PLAT: variants seen among roughly 807,000 people sequenced by gnomAD.
The protein encoded by PLAT is plasminogen activator, tissue type.
A neutral mutation model predicts 74.9 loss-of-function variants in PLAT; 48 were observed. That is an observed-to-expected ratio of 0.64 (90% CI 0.51 to 0.82). The LOEUF is 0.82. Among genes scored for constraint, PLAT ranks in the 40% least tolerant of loss-of-function variants. The pLI, the probability that PLAT is intolerant of heterozygous loss-of-function variation, is 0.00. For synonymous variants in PLAT, 307 were observed against 294.4 expected (o/e 1.04, Z -0.44); for missense variants, 673 against 736.2 (o/e 0.91, Z 0.99).
At chr8:42,182,691 C>G in intron 8 of PLAT, 28 bp downstream of exon 8, 1 of 1,563,516 alleles carries the variant, frequency 6.4e-7, no homozygotes, top group Non-Finnish European at 8.7e-7. Context: ...CTGCCAAGAC[C>G]TGAACCCCCC....
chr8:42,180,451 T>C, intron 10 of PLAT, 39 bp downstream of exon 10: 1 of 1,613,826 alleles, frequency 6.2e-7, no homozygotes, highest in Non-Finnish European at 8.5e-7. Context: ...TTCTAGGCGT[T>C]AGAGGGTGGA....
rs1805560917 is a variant in PLAT, at chr8:42,188,274, G to T, written c.254-258C>A. 7.3e-6 allele frequency: 3 copies of T among 409,580 alleles called. No individual in the cohort carries two copies. The East Asian group carries it at 1.2e-4, about 17-fold the overall frequency. The allele number at this position is 409,580 out of a possible 1,614,324, so 25.4% of individuals were successfully genotyped here. A position where few individuals can be genotyped will look rare whatever the true frequency, so the allele number is the denominator to read the frequency against. The stretch of plus-strand genomic sequence containing the variant: ...GTATTTTCAAAGCAGCTCCAAGGAT[G>T]ATGTGAGTTAAAATATTAAGAATGT... On this transcript the variant is annotated intron_variant, in intron 4 of 13. Coordinates refer to ENST00000220809, the MANE Select transcript of PLAT (RefSeq NM_000930.5).
intron 13 of PLAT, among the ~76,000 whole-genome samples, chr8:42,177,612 A>G (rs952843255): frequency 6.6e-6 from 1 of 152,264 alleles, no homozygotes; most frequent in Non-Finnish European, 1.5e-5. Flanking sequence ...AGAAGAATGC[A>G]TGAAAAGCAC....
intron 1 of PLAT, among the ~76,000 whole-genome samples, chr8:42,205,562 A>C (rs1806299181): frequency 6.6e-6 from 1 of 152,202 alleles, no homozygotes. Flanking sequence ...CAACTAAGGC[A>C]TAAGTGACTC....
At position 42,187,469 on chromosome 8, in the gene PLAT, C is replaced by T; in HGVS notation, c.468G>A (p.Leu156=). The change falls in exon 6 of 14, where the codon TTG becomes TTA. Residue 156 remains leucine (L), a synonymous_variant. Coordinates refer to ENST00000220809, the MANE Select transcript of PLAT (RefSeq NM_000930.5). ...AECTNWNSSA[L]AQKPYSGRRP... is the part of the protein sequence containing the mutation. ...TCCGCCCGCTGTAGGGCTTCTGGGC[C>T]AACGCGCTGCTGTTCCAGTTGGTGC... is the stretch of plus-strand genomic sequence containing the variant. 2 of 1,608,498 alleles carry T rather than the reference C, an allele frequency of 1.2e-6. No individual in the cohort carries two copies. Among genetic ancestry groups the T allele is most frequent in the East Asian group, 2.2e-5 (1 of 44,884 alleles).
rs114878147 is a variant in PLAT at position 42,181,966 on chromosome 8, G to A, written c.860C>T (p.Thr287Met). Reference protein sequence around the residue: ...WCHVLKNRRLTWEYCDVPSCS... With the variant: ...WCHVLKNRRLMWEYCDVPSCS... ...GGAGGGCACATCACAGTACTCCCAC[G>A]TCAGCCTGCGGTTCTTCAGCACGTG... Residue 287 changes from threonine (T) to methionine (M), a missense_variant, in exon 9 of 14, where the codon ACG becomes ATG. Thr to Met is a moderately conservative substitution (Grantham distance 81). Coordinates refer to ENST00000220809, the MANE Select transcript of PLAT (RefSeq NM_000930.5). 4,480 of 1,612,350 alleles carry A rather than the reference G, an allele frequency of 2.8e-3. 9 individuals are homozygous for A. The highest frequency in any genetic ancestry group is 3.4e-3 in the Non-Finnish European group (3,951 of 1,178,350).
rs1327209419 is a variant in PLAT, at chr8:42,180,778, C to T, written c.890-93G>A. The T allele has an allele frequency of 3.6e-6, 3 of 826,554 alleles. No homozygotes were observed. The South Asian group carries it at 5.3e-5, about 15-fold the overall frequency. 51.2% of individuals were successfully genotyped at this position (826,554 alleles called of 1,614,324 possible). A position where few individuals can be genotyped will look rare whatever the true frequency, so the allele number is the denominator to read the frequency against. On this transcript the variant is annotated intron_variant, in intron 9 of 13. Coordinates refer to ENST00000220809, the MANE Select transcript of PLAT (RefSeq NM_000930.5). ...GAGGCCATCAGCATGGCTGTAAAAC[C>T]ACAACTTTCACTTGGTGGGATCAGC...
chr8:42,187,091 A>G (rs1276449922), intron 6 of PLAT: 2 of 264,192 alleles, frequency 7.6e-6, no homozygotes, highest in Admixed American at 5.2e-5. Flanking sequence ...CTATTTATCT[A>G]TCAATCATCT....
chr8:42,183,873 G>A (rs928518522), intron 7 of PLAT, among the ~76,000 whole-genome samples: 14 of 151,820 alleles, frequency 9.2e-5, no homozygotes, highest in Middle Eastern at 3.2e-3. Context: ...TAGCTGGTGC[G>A]TGTTTATATA....
chr8:42,187,350 G>C lies in PLAT; in HGVS notation c.539+48C>G, dbSNP rs373739323. Reference sequence around the variant, plus strand: ...GATCTGACAGAATCTTTCCCCAGCTGTAGCAGCTTCTCACAGGGGGAATCC... The same window carrying C: ...GATCTGACAGAATCTTTCCCCAGCTCTAGCAGCTTCTCACAGGGGGAATCC... On this transcript the variant is annotated intron_variant, in intron 6 of 13. Transcript: ENST00000220809. The C allele has an allele frequency of 3.9e-5, 58 of 1,481,020 alleles. No homozygotes were observed. The African/African-American group carries it at 7.6e-4, about 19-fold the overall frequency. The allele number at this position is 1,481,020 out of a possible 1,614,324, so 91.7% of individuals were successfully genotyped here.
intron 1 of PLAT, among the ~76,000 whole-genome samples, chr8:42,206,360 A>T (rs1806330296): frequency 6.6e-6 from 1 of 152,166 alleles, no homozygotes; most frequent in Non-Finnish European, 1.5e-5. Context: ...CCTGCACAGG[A>T]AGCACGCACC....
intron 1 of PLAT, among the ~76,000 whole-genome samples, chr8:42,194,794 A>ACCCCCCCCCCCCCCCC (rs8178720): frequency 8.2e-6 from 1 of 121,824 alleles, no homozygotes; most frequent in African/African-American, 3.6e-5. Context: ...CTCCACGCCC[A>ACCCCCCCCCCCCCCCC]CCCCCCCCAC....
In PLAT at chr8:42,180,334, C is replaced by A. The variant is rs1267567357; in HGVS notation, c.1130G>T (p.Arg377Leu). 6.2e-7 allele frequency: 1 copy of A among 1,614,214 alleles called. No individual in the cohort carries two copies. Among genetic ancestry groups the A allele is most frequent in the Admixed American group, 1.7e-5 (1 of 60,038 alleles). The change falls in exon 11 of 14, where the codon CGG (arginine) becomes CTG (leucine). Residue 377 changes from arginine (R) to leucine (L), a missense_variant. Transcript: ENST00000220809. ...HLTVILGRTY[R>L]VVPGEEEQKF... ...CTGCTCCTCCTCGCCAGGGACCACC[C>A]GGTATGTTCTGCCCAAGATCACCGT... is the stretch of plus-strand genomic sequence containing the variant.
At chr8:42,179,441 G>C (rs943577563) in intron 12 of PLAT, among the ~76,000 whole-genome samples, 2 of 152,128 alleles carry the variant, frequency 1.3e-5, no homozygotes, top group African/African-American at 2.4e-5. Context: ...TTTCCTGGGG[G>C]ACAAAATCAC....
Position 42,193,156 on chromosome 8 carries a change from A to G in PLAT, c.30T>C (p.Cys10=), listed in dbSNP as rs1805751213. Residue 10 remains cysteine, a synonymous_variant, in exon 2 of 14, where the codon TGT becomes TGC. Transcript: ENST00000220809. ...AGACTGCTCCACACAGCAGCAGCACACAGCAGAGCCCTCTCTTCATTGCAT... is the reference window on the plus strand; with the variant it reads ...AGACTGCTCCACACAGCAGCAGCACGCAGCAGAGCCCTCTCTTCATTGCAT... MDAMKRGLC[C]VLLLCGAVFV... is the part of the protein sequence containing the mutation. 1.2e-6 allele frequency: 2 copies of G among 1,614,064 alleles called. No individual in the cohort carries two copies. Among genetic ancestry groups the G allele is most frequent in the African/African-American group, 1.3e-5 (1 of 75,052 alleles).
chr8:42,185,234 C>T, intron 6 of PLAT, 62 bp from the exon 7 acceptor site: 1 of 1,033,426 alleles, frequency 9.7e-7, no homozygotes, highest in Non-Finnish European at 1.4e-6. Context: ...CCTTTAGGAC[C>T]CAAGGACTTT....
chr8:42,183,912 TTACA>T (rs1453361413), intron 7 of PLAT, among the ~76,000 whole-genome samples: 3 of 151,932 alleles, frequency 2.0e-5, no homozygotes, highest in Admixed American at 6.6e-5. Flanking sequence ...TATATGTGTA[TTACA>T]TATATATATA....
intron 1 of PLAT, among the ~76,000 whole-genome samples, chr8:42,206,181 C>G (rs1348034808): frequency 6.6e-6 from 1 of 152,188 alleles, no homozygotes; most frequent in African/African-American, 2.4e-5. Flanking sequence ...GAGACAAGGG[C>G]AGCTTTCATT....
chr8:42,193,340 C>A, intron 1 of PLAT, 129 bp from the exon 2 acceptor site: 1 of 626,954 alleles, frequency 1.6e-6, no homozygotes, highest in Non-Finnish European at 2.9e-6. Flanking sequence ...AAACGCCAGA[C>A]ATGCATCTAG....
Sources: allele counts gnomAD v4.1 joint callset (sites outside exome capture counted in the v4.1 genomes callset), GRCh38; gene constraint gnomAD v4.1.1; transcripts MANE v1.5; gene names NCBI Gene and HGNC (gene_info 2026-07-23, HGNC 2026-07-21).